LPAR1: variants seen among roughly 807,000 people sequenced by gnomAD.
The protein encoded by LPAR1 is lysophosphatidic acid receptor 1, also known as LPA receptor 1.
A neutral mutation model predicts 23.8 loss-of-function variants in LPAR1; 5 were observed. The ratio of observed to expected loss-of-function variants is 0.21; its 90% CI spans 0.11 to 0.44. The LOEUF (loss-of-function observed/expected upper bound fraction) is 0.44. Among genes scored for constraint, LPAR1 ranks in the 20% least tolerant of loss-of-function variants. The pLI is 0.99. For synonymous variants in LPAR1, 160 were observed against 164.7 expected, an observed-to-expected ratio of 0.97 and a Z score of 0.22; for missense variants, 311 against 482.8, an observed-to-expected ratio of 0.64 and a Z score of 3.33.
At chr9:110,971,272 T>A (rs1356716031) in intron 4 of LPAR1, among the ~76,000 whole-genome samples, 1 of 152,156 alleles carries the variant, frequency 6.6e-6, no homozygotes, top group Non-Finnish European at 1.5e-5. Context: ...ATGCCTCATG[T>A]ATATGAACCA....
chr9:110,876,105 G>T (rs1424408432), intron 5 of LPAR1, among the ~76,000 whole-genome samples: 5 of 152,176 alleles, frequency 3.3e-5, no homozygotes, highest in African/African-American at 7.2e-5. Flanking sequence ...CGAATGATAA[G>T]TGTCCTTTAA....
chr9:110,958,955 GA>G (rs994806570), intron 4 of LPAR1, among the ~76,000 whole-genome samples: 27 of 146,490 alleles, frequency 1.8e-4, no homozygotes, highest in African/African-American at 6.8e-4. Context: ...GTAGGTATAT[GA>G]AAAAAAACGC....
At chr9:110,974,786 A>G (rs2096516619) in intron 2 of LPAR1, among the ~76,000 whole-genome samples, 1 of 152,244 alleles carries the variant, frequency 6.6e-6, no homozygotes, top group African/African-American at 2.4e-5. Context: ...CCAGGAGAAA[A>G]GCATATGTAT....
At chr9:110,943,836 A>G (rs934483616) in intron 4 of LPAR1, among the ~76,000 whole-genome samples, 1 of 147,566 alleles carries the variant, frequency 6.8e-6, no homozygotes, top group African/African-American at 2.5e-5. Flanking sequence ...CTCCAGCCTG[A>G]GTAACAAAGC....
intron 2 of LPAR1, among the ~76,000 whole-genome samples, chr9:111,021,118 T>C (rs529226794): frequency 3.6e-4 from 55 of 152,302 alleles, no homozygotes; most frequent in African/African-American, 1.3e-3. Context: ...TTTAATATAC[T>C]GGTAAGAAAA....
intron 5 of LPAR1, among the ~76,000 whole-genome samples, chr9:110,903,073 C>G (rs1248452858): frequency 6.6e-6 from 1 of 152,158 alleles, no homozygotes; most frequent in Non-Finnish European, 1.5e-5. Context: ...TTAAATCAGA[C>G]TCTGAGTCTC....
intron 2 of LPAR1, among the ~76,000 whole-genome samples, chr9:111,035,702 T>C (rs993912411): frequency 3.9e-5 from 6 of 152,216 alleles, no homozygotes; most frequent in African/African-American, 1.2e-4. Context: ...GGTGTAGGCA[T>C]ATTGATACCA....
intron 4 of LPAR1, among the ~76,000 whole-genome samples, chr9:110,964,805 T>A (rs1270844206): frequency 6.7e-6 from 1 of 149,898 alleles, no homozygotes. Context: ...TTGGTAAGGA[T>A]GTCCAAAAAA....
At chr9:110,921,301 G>A (rs1021685149) in intron 5 of LPAR1, among the ~76,000 whole-genome samples, 4 of 152,122 alleles carry the variant, frequency 2.6e-5, no homozygotes, top group Non-Finnish European at 5.9e-5. Context: ...TTATATGAAT[G>A]TATTTTTCCT....
intron 2 of LPAR1, among the ~76,000 whole-genome samples, chr9:111,021,618 A>C (rs541126786): frequency 1.7e-4 from 26 of 152,340 alleles, no homozygotes; most frequent in African/African-American, 5.5e-4. Context: ...GAAAGGATAA[A>C]AAAAATTAAT....
chr9:111,019,644 T>C (rs2097524315), intron 2 of LPAR1, among the ~76,000 whole-genome samples: 1 of 151,820 alleles, frequency 6.6e-6, no homozygotes, highest in Non-Finnish European at 1.5e-5. Flanking sequence ...GAGACCATCC[T>C]GGCTAACATG....
chr9:110,903,882 C>G (rs1465796935), intron 5 of LPAR1, among the ~76,000 whole-genome samples: 2 of 77,222 alleles, frequency 2.6e-5, no homozygotes, highest in African/African-American at 1.3e-4. Flanking sequence ...AAGTGAATTG[C>G]AAAAAAAAAA....
intron 5 of LPAR1, among the ~76,000 whole-genome samples, chr9:110,901,745 C>T (rs575728662): frequency 3.3e-5 from 5 of 151,878 alleles, no homozygotes; most frequent in Admixed American, 6.6e-5. Flanking sequence ...AGCATGATTA[C>T]GAAGTAGGGG....
At chr9:110,880,442 T>A (rs1413101013) in intron 5 of LPAR1, among the ~76,000 whole-genome samples, 2 of 152,218 alleles carry the variant, frequency 1.3e-5, no homozygotes, top group Admixed American at 1.3e-4. Flanking sequence ...GACTTTTTCC[T>A]AACTAGTTGA....
intron 2 of LPAR1, among the ~76,000 whole-genome samples, chr9:111,024,617 G>C (rs2097650935): frequency 1.3e-5 from 2 of 150,554 alleles, no homozygotes; most frequent in African/African-American, 4.9e-5. Flanking sequence ...TTGTTACACA[G>C]GTATAAATGT....
At position 110,969,610 on chromosome 9, in the gene LPAR1, G is replaced by A. The variant is rs144535558; in HGVS notation, c.45+2463C>T. ...ACCTATAATCCTAGCTACTTGGGAG[G>A]CTGAGGCAGGAGAATTGCTGGAACC... is the stretch of plus-strand genomic sequence containing the variant. On this transcript the variant is annotated intron_variant, in intron 4 of 5. Transcript: ENST00000683809. Among the ~76,000 whole-genome samples, 1,084 of 152,086 alleles carry A rather than the reference G, an allele frequency of 7.1e-3. 16 individuals are homozygous for A. Among genetic ancestry groups the A allele is most frequent in the African/African-American group, 0.025 (1,017 of 41,496 alleles).
chr9:110,980,841 T>C (rs972570486), intron 2 of LPAR1, among the ~76,000 whole-genome samples: 3 of 152,136 alleles, frequency 2.0e-5, no homozygotes, highest in African/African-American at 7.2e-5. Flanking sequence ...TTAATTGCCT[T>C]AATTTGATCA....
intron 2 of LPAR1, among the ~76,000 whole-genome samples, chr9:110,993,196 A>T (rs953691737): frequency 1.3e-5 from 2 of 152,054 alleles, no homozygotes; most frequent in African/African-American, 4.8e-5. Flanking sequence ...ACATAGGTAT[A>T]CATGTGCTAT....
chr9:110,973,908 G>A (rs1022146070), intron 2 of LPAR1, among the ~76,000 whole-genome samples: 1 of 152,118 alleles, frequency 6.6e-6, no homozygotes, highest in South Asian at 2.1e-4. Context: ...CAGCAGCTCA[G>A]GCCTGTAATC....
Sources: gnomAD v4.1 joint callset for allele counts (sites outside exome capture counted in the v4.1 genomes callset) on GRCh38, gnomAD v4.1.1 for gene constraint, MANE v1.5 for transcripts, NCBI Gene and HGNC (gene_info 2026-07-23, HGNC 2026-07-21) for gene names.